EDEM3: variants seen among roughly 807,000 people sequenced by gnomAD.
EDEM3 encodes ER degradation enhancing alpha-mannosidase like protein 3, also known as ER degradation-enhancing alpha-mannosidase-like protein 3.
A neutral mutation model predicts 110.2 loss-of-function variants in EDEM3; 60 were observed. That is an observed-to-expected ratio of 0.54 (90% CI 0.44 to 0.67). The LOEUF is 0.67. EDEM3 is among the 30% of genes least tolerant of loss of function. The pLI is 0.00. For synonymous variants in EDEM3, 352 were observed against 382.9 expected, an observed-to-expected ratio of 0.92 and a Z score of 0.94; for missense variants, 996 against 1,121.0, an observed-to-expected ratio of 0.89 and a Z score of 1.59.
At chr1:184,707,434 A>G (rs1328797203) in intron 17 of EDEM3, among the ~76,000 whole-genome samples, 1 of 152,222 alleles carries the variant, frequency 6.6e-6, no homozygotes, top group African/African-American at 2.4e-5. Flanking sequence ...TTGTAAACTG[A>G]TACAGCAAGC....
chr1:184,753,336 T>C (rs1287997562), intron 1 of EDEM3, among the ~76,000 whole-genome samples: 1 of 152,094 alleles, frequency 6.6e-6, no homozygotes, highest in Non-Finnish European at 1.5e-5. Context: ...AATGTCTCAA[T>C]ATTATTCCAT....
At chr1:184,719,287 C>T (rs1650740927) in intron 10 of EDEM3, 42 bp from the exon 11 acceptor site, 3 of 1,501,374 alleles carry the variant, frequency 2.0e-6, no homozygotes, top group Non-Finnish European at 2.7e-6. Flanking sequence ...AAAATATGAG[C>T]TGATTTTATC....
intron 1 of EDEM3, among the ~76,000 whole-genome samples, chr1:184,750,933 A>T (rs570907724): frequency 6.6e-6 from 1 of 152,256 alleles, no homozygotes; most frequent in East Asian, 1.9e-4. Flanking sequence ...CATTTTTAAA[A>T]CTATAATCAC....
At chr1:184,736,090 A>AT (rs1651806700) in intron 4 of EDEM3, among the ~76,000 whole-genome samples, 1 of 152,144 alleles carries the variant, frequency 6.6e-6, no homozygotes, top group African/African-American at 2.4e-5. Flanking sequence ...AACAATCGTG[A>AT]TTTTTCTCAA....
Position 184,694,127 on chromosome 1 carries a change from G to A in EDEM3, c.2735C>T (p.Ser912Phe). 1 of 1,613,284 alleles carries A rather than the reference G, an allele frequency of 6.2e-7. No individual in the cohort carries two copies. Among genetic ancestry groups the A allele is most frequent in the East Asian group, 2.2e-5 (1 of 44,860 alleles). Reference protein sequence around the residue: ...SWGKKVQPIDSILADWNEDIE... With the variant: ...SWGKKVQPIDFILADWNEDIE... ...ATCTTCATTCCAGTCTGCTAATATG[G>A]AGTCTATAGGCTGGACCTTTTTACC... is the stretch of plus-strand genomic sequence containing the variant. Residue 912 changes from serine (S) to phenylalanine (F), a missense_variant, in exon 20 of 20, where the codon TCC (serine) becomes TTC (phenylalanine). Physicochemically the swap from Ser to Phe is radical, Grantham distance 155. This residue lies in a region of EDEM3 where 345 missense variants were observed against 402.0 expected (regional missense o/e 0.86). Transcript: ENST00000318130.
At chr1:184,701,929 C>T (rs1003750764) in intron 19 of EDEM3, among the ~76,000 whole-genome samples, 1 of 151,920 alleles carries the variant, frequency 6.6e-6, no homozygotes, top group Non-Finnish European at 1.5e-5. Flanking sequence ...ACTTGGAAGT[C>T]ACATTGAATT....
chr1:184,727,339 TA>T (rs2102100005), intron 6 of EDEM3, among the ~76,000 whole-genome samples: 1 of 152,140 alleles, frequency 6.6e-6, no homozygotes, highest in East Asian at 1.9e-4. Flanking sequence ...AGACACTGAT[TA>T]AAATTAGAAT....
intron 2 of EDEM3, among the ~76,000 whole-genome samples, chr1:184,742,090 T>C (rs1038419841): frequency 5.3e-5 from 8 of 151,938 alleles, no homozygotes; most frequent in South Asian, 2.1e-4. Flanking sequence ...TCCAAACTCA[T>C]AGCAAATTAG....
chr1:184,719,893 T>C (rs902268603), intron 9 of EDEM3, among the ~76,000 whole-genome samples: 7 of 152,244 alleles, frequency 4.6e-5, no homozygotes, highest in African/African-American at 1.7e-4. Context: ...CTGATGCTCA[T>C]AGGTCCCCTT....
In EDEM3 at chr1:184,711,771, G is replaced by C. The variant is rs1462832742; in HGVS notation, c.1643C>G (p.Pro548Arg). ...GCTCTTATCCACCACATTTTTCAAG[G>C]GCTCACGAATACTTTGAGCATACAA... ...DPLYAQSIRE[P>R]LKNVVDKSCP... The change falls in exon 15 of 20, where the codon CCC becomes CGC. Residue 548 changes from proline (P) to arginine (R), a missense_variant. By Grantham distance (103) the Pro-to-Arg change is moderately radical. Coordinates refer to ENST00000318130, the MANE Select transcript of EDEM3 (RefSeq NM_025191.4). The C allele has an allele frequency of 6.2e-7, 1 of 1,613,068 alleles. No homozygotes were observed. Among genetic ancestry groups the C allele is most frequent in the Admixed American group, 1.7e-5 (1 of 59,942 alleles).
At chr1:184,694,561 T>C in intron 19 of EDEM3, 89 bp from the exon 20 acceptor site, 2 of 1,288,354 alleles carry the variant, frequency 1.6e-6, no homozygotes, top group Non-Finnish European at 2.1e-6. Context: ...TGCAACAAGA[T>C]GAAATAAAAC....
chr1:184,723,677 A>T, intron 8 of EDEM3, 74 bp downstream of exon 8: 1 of 1,139,318 alleles, frequency 8.8e-7, no homozygotes, highest in South Asian at 1.4e-5. Flanking sequence ...GATTATTTTA[A>T]CAAATGAAAA....
intron 17 of EDEM3, 127 bp downstream of exon 17, chr1:184,708,026 C>G: frequency 1.2e-6 from 1 of 845,088 alleles, no homozygotes; most frequent in Non-Finnish European, 1.7e-6. Flanking sequence ...TTACTTAAAT[C>G]CAGGAGATTG....
intron 6 of EDEM3, 25 bp downstream of exon 6, chr1:184,732,812 A>G (rs1261326579): frequency 6.2e-7 from 1 of 1,605,368 alleles, no homozygotes. Context: ...GTATATAAAG[A>G]CTCATATTTT....
chr1:184,729,047 T>C (rs1231775252), intron 6 of EDEM3, among the ~76,000 whole-genome samples: 1 of 152,134 alleles, frequency 6.6e-6, no homozygotes, highest in East Asian at 1.9e-4. Flanking sequence ...GGCTGGTAGA[T>C]AGGTTCTTGT....
chr1:184,742,001 A>C (rs1359810910), intron 2 of EDEM3, among the ~76,000 whole-genome samples: 1 of 152,104 alleles, frequency 6.6e-6, no homozygotes, highest in Non-Finnish European at 1.5e-5. Context: ...TATGATTCTT[A>C]GTTCTTGAAA....
intron 2 of EDEM3, among the ~76,000 whole-genome samples, chr1:184,743,304 G>A (rs1280493391): frequency 6.6e-6 from 1 of 151,972 alleles, no homozygotes; most frequent in Non-Finnish European, 1.5e-5. Context: ...GGCTTTTTGA[G>A]GCACAGTAAT....
intron 2 of EDEM3, 123 bp downstream of exon 2, chr1:184,749,424 G>T: frequency 1.3e-6 from 1 of 776,232 alleles, no homozygotes; most frequent in Non-Finnish European, 2.0e-6. Context: ...TTTTTGCCCT[G>T]TTTTTTAAAA....
At position 184,749,550 on chromosome 1, in the gene EDEM3, A is replaced by G. The variant is rs779977087; in HGVS notation, c.201T>C (p.Tyr67=). The change falls in exon 2 of 20, where the codon TAT becomes TAC. Residue 67 remains tyrosine, a synonymous_variant. Transcript: ENST00000318130. ...LEMFDHAYGN[Y]MEHAYPADEL... ...TAAAGATAAGCTTCCTACTTACCATATAGTTACCATAAGCATGATCAAACA... is the reference window on the plus strand; with the variant it reads ...TAAAGATAAGCTTCCTACTTACCATGTAGTTACCATAAGCATGATCAAACA... The G allele has an allele frequency of 6.3e-7, 1 of 1,576,156 alleles. No individual in the cohort carries two copies. Among genetic ancestry groups the G allele is most frequent in the South Asian group, 1.2e-5 (1 of 85,544 alleles).
Sources: allele counts gnomAD v4.1 joint callset (sites outside exome capture counted in the v4.1 genomes callset), GRCh38; gene constraint gnomAD v4.1.1; regional missense constraint gnomAD v4.1.1; transcripts MANE v1.5; gene names NCBI Gene and HGNC (gene_info 2026-07-23, HGNC 2026-07-21).